ENSA: variants seen among roughly 807,000 people sequenced by gnomAD.
The protein encoded by ENSA is endosulfine alpha, also known as alpha-endosulfine.
Under a neutral mutation model 16.8 loss-of-function variants are expected in ENSA, and 7 were observed. The observed-to-expected ratio is 0.42, with a 90% CI of 0.24 to 0.78. ENSA has a LOEUF of 0.78. Among genes scored for constraint, ENSA ranks in the 30% least tolerant of loss-of-function variants. The probability of loss-of-function intolerance (pLI) is 0.29; values close to 1 mark genes in which losing one functional copy is unlikely to be tolerated. For synonymous variants in ENSA, 58 were observed against 53.4 expected, an observed-to-expected ratio of 1.09 and a Z score of -0.37; for missense variants, 87 against 142.3, an observed-to-expected ratio of 0.61 and a Z score of 1.98.
In ENSA at chr1:150,627,574, C is replaced by T. The variant is rs780434035; in HGVS notation, c.76G>A (p.Gly26Ser). ...TCTTCAGCTCTCTCAGGCAGAATAC[C>T]TTCTTTCTCCTGCGTGTCCTGGAGA... ...EEKQDTQEKE[G>S]ILPERAEEAK... Residue 26 changes from glycine to serine, a missense_variant, in exon 2 of 4, where the codon GGT (glycine) becomes AGT (serine). By Grantham distance (56) the Gly-to-Ser change is moderately conservative. Transcript: ENST00000369014. 1.9e-6 allele frequency: 3 copies of T among 1,610,906 alleles called. No individual in the cohort carries two copies. The highest frequency in any genetic ancestry group is 3.4e-5 in the Admixed American group (2 of 59,086).
chr1:150,623,721 C>T, intron 3 of ENSA: 23 of 985,734 alleles, frequency 2.3e-5, no homozygotes, highest in Non-Finnish European at 2.8e-5. Flanking sequence ...TCAGCATTTT[C>T]CCCTTCCCAG....
At chr1:150,625,080 A>C in intron 3 of ENSA, 2 of 985,422 alleles carry the variant, frequency 2.0e-6, no homozygotes, top group Non-Finnish European at 2.4e-6. Flanking sequence ...TGTAAGAGAT[A>C]CTAAGTAATG....
chr1:150,628,170 A>AT (rs982860049), intron 1 of ENSA, among the ~76,000 whole-genome samples: 1 of 151,714 alleles, frequency 6.6e-6, no homozygotes, highest in Admixed American at 6.6e-5. Context: ...TTTCCTCCTT[A>AT]TTTTTTTCTT....
At chr1:150,625,924 G>C (rs1214190984) in intron 2 of ENSA, 116 bp from the exon 3 acceptor site, 1 of 1,433,160 alleles carries the variant, frequency 7.0e-7, no homozygotes, top group African/African-American at 1.4e-5. Context: ...CTTTCAAGAA[G>C]TCTTCCTTGA....
In ENSA at chr1:150,622,878, G is replaced by C; in HGVS notation, c.351-19C>G. 8.7e-5 allele frequency: 108 copies of C among 1,241,556 alleles called. No homozygotes were observed. Among genetic ancestry groups the C allele is most frequent in the Non-Finnish European group, 1.0e-4 (97 of 930,426 alleles). The allele number at this position is 1,241,556 out of a possible 1,614,324, so 76.9% of individuals were successfully genotyped here. ...TTGGCCACTGCGGACGAACACAGAA[G>C]AAAAAAAAAAAAAACAACACTGTCA... On this transcript the variant is annotated intron_variant, in intron 3 of 3. Coordinates refer to ENST00000369014, the MANE Select transcript of ENSA (RefSeq NM_004436.4).
At chr1:150,625,938 A>G in intron 2 of ENSA, 130 bp from the exon 3 acceptor site, 1 of 1,397,122 alleles carries the variant, frequency 7.2e-7, no homozygotes, top group South Asian at 1.6e-5. Flanking sequence ...TCCTTGATTA[A>G]CCTCATGCAT....
chr1:150,622,881 A>G (rs932409053), intron 3 of ENSA, 22 bp from the exon 4 acceptor site: 22 of 1,534,682 alleles, frequency 1.4e-5, no homozygotes, highest in Admixed American at 1.2e-4. Context: ...CACAGAAGAA[A>G]AAAAAAAAAA....
intron 3 of ENSA, chr1:150,623,155 G>A: frequency 8.3e-7 from 1 of 1,199,888 alleles, no homozygotes; most frequent in Non-Finnish European, 1.0e-6. Flanking sequence ...AGGTTTCCAG[G>A]TGGGTAAGCT....
rs1196934554 is a variant in ENSA at position 150,624,246 on chromosome 1, A to G, written c.351-1387T>C. ...GGGTTGCTGAGTTCTGGGGATGCAG[A>G]GATTTCTCAGTCTTCCTCCTCTCCC... On this transcript the variant is annotated intron_variant, in intron 3 of 3. Coordinates refer to ENST00000369014, the MANE Select transcript of ENSA (RefSeq NM_004436.4). 3 of 955,244 alleles carry G rather than the reference A, an allele frequency of 3.1e-6. No homozygotes were observed. The East Asian group carries it at 4.2e-4, about 134-fold the overall frequency. 59.2% of individuals were successfully genotyped at this position (955,244 alleles called of 1,614,324 possible).
chr1:150,624,587 G>T (rs1381434055), intron 3 of ENSA: 18 of 985,086 alleles, frequency 1.8e-5, no homozygotes, highest in South Asian at 4.7e-5. Context: ...ATTTTTTTTT[G>T]ACCCTCAAGA....
At chr1:150,625,344 C>T in intron 3 of ENSA, 1 of 1,083,848 alleles carries the variant, frequency 9.2e-7, no homozygotes, top group Non-Finnish European at 1.1e-6. Context: ...AAGGAGAAAT[C>T]ACATCTCTCC....
At chr1:150,625,437 G>A (rs1268253832) in intron 3 of ENSA, 23 of 1,275,974 alleles carry the variant, frequency 1.8e-5, no homozygotes, top group Non-Finnish European at 2.1e-5. Flanking sequence ...ACTACAGGGA[G>A]TGTGTGGAAG....
At chr1:150,628,658 A>G (rs587758800) in intron 1 of ENSA, among the ~76,000 whole-genome samples, 2 of 152,296 alleles carry the variant, frequency 1.3e-5, no homozygotes, top group South Asian at 4.1e-4. Context: ...ACCCAGTACT[A>G]AATTTTAAAA....
intron 3 of ENSA, 36 bp from the exon 4 acceptor site, chr1:150,622,895 A>C: frequency 6.5e-7 from 1 of 1,543,312 alleles, no homozygotes; most frequent in Non-Finnish European, 8.7e-7. Flanking sequence ...AAAAAAAACA[A>C]CACTGTCAAG....
chr1:150,626,178 A>C (rs1213812960), intron 2 of ENSA, among the ~76,000 whole-genome samples: 7 of 152,232 alleles, frequency 4.6e-5, no homozygotes, highest in Admixed American at 4.6e-4. Flanking sequence ...GAACTGGAGA[A>C]ACAGAAATGA....
At chr1:150,626,835 C>T (rs751021674) in intron 2 of ENSA, among the ~76,000 whole-genome samples, 6 of 152,150 alleles carry the variant, frequency 3.9e-5, no homozygotes, top group Non-Finnish European at 5.9e-5. Flanking sequence ...TGAGCCACTG[C>T]GCCTGGCCAA....
intron 2 of ENSA, chr1:150,626,642 C>T (rs1328170127): frequency 5.7e-6 from 4 of 701,314 alleles, no homozygotes; most frequent in East Asian, 3.2e-5. Context: ...CTGCAAGCTC[C>T]GCCTCCCGGG....
At chr1:150,629,374 G>C (rs774394701) in intron 1 of ENSA, 40 bp downstream of exon 1, 34 of 1,603,038 alleles carry the variant, frequency 2.1e-5, no homozygotes, top group East Asian at 1.8e-4. Context: ...GCCCCATCAC[G>C]GTCTCCCCAG....
intron 3 of ENSA, chr1:150,624,493 C>G: frequency 7.1e-6 from 7 of 985,924 alleles, no homozygotes; most frequent in Non-Finnish European, 8.4e-6. Flanking sequence ...GCCAGAGAAG[C>G]TTTTTAGCAG....
Sources: allele counts gnomAD v4.1 joint callset (sites outside exome capture counted in the v4.1 genomes callset), GRCh38; gene constraint gnomAD v4.1.1; transcripts MANE v1.5; gene names NCBI Gene and HGNC (gene_info 2026-07-23, HGNC 2026-07-21).